Variants in LMBRD1 observed in about 807,000 individuals in gnomAD.
LMBRD1 encodes LMBR1 domain containing 1.
A neutral mutation model predicts 74.8 loss-of-function variants in LMBRD1; 64 were observed. The observed-to-expected ratio is 0.86, with a 90% CI of 0.70 to 1.05. The LOEUF (loss-of-function observed/expected upper bound fraction) is 1.05, where lower values mean the gene tolerates loss of function less well. Ranked by LOEUF, LMBRD1 falls within the 50% of genes least tolerant of loss-of-function variation. The pLI is 0.00. For missense variants in LMBRD1, 652 were observed against 645.9 expected, an observed-to-expected ratio of 1.01 and a Z score of -0.10; for synonymous variants, 204 against 216.3, an observed-to-expected ratio of 0.94 and a Z score of 0.50.
chr6:69,694,704 A>G (rs139560112), intron 14 of LMBRD1, among the ~76,000 whole-genome samples: 36 of 152,106 alleles, frequency 2.4e-4, no homozygotes, highest in African/African-American at 8.4e-4. Context: ...TAAATCCCCA[A>G]TTCTCCTTCA....
intron 5 of LMBRD1, among the ~76,000 whole-genome samples, chr6:69,743,059 G>T (rs1335933834): frequency 2.6e-5 from 4 of 152,072 alleles, no homozygotes; most frequent in Non-Finnish European, 4.4e-5. Flanking sequence ...GAAAGCAGAG[G>T]TGTGGAATCA....
chr6:69,728,380 T>C (rs1766781694), intron 7 of LMBRD1, among the ~76,000 whole-genome samples: 1 of 152,218 alleles, frequency 6.6e-6, no homozygotes, highest in Non-Finnish European at 1.5e-5. Context: ...ACATCATTCA[T>C]ATTATTTTCA....
intron 8 of LMBRD1, among the ~76,000 whole-genome samples, chr6:69,717,870 T>C (rs1766525966): frequency 6.6e-6 from 1 of 152,156 alleles, no homozygotes; most frequent in Admixed American, 6.5e-5. Context: ...TAAGTTTTTG[T>C]ATTTTTTTTG....
In LMBRD1 at chr6:69,735,913, A is replaced by G. The variant is rs565804493; in HGVS notation, c.636+2029T>C. ...CCTTGTCAACTGAATTCCAGCCACA[A>G]TGGCTTTGCCTCCTTGCTAGTATCT... is the stretch of plus-strand genomic sequence containing the variant. On this transcript the variant is annotated intron_variant, in intron 7 of 15. Coordinates refer to ENST00000649934, the MANE Select transcript of LMBRD1 (RefSeq NM_018368.4). Among the ~76,000 whole-genome samples, 18 of 152,364 alleles carry G rather than the reference A, an allele frequency of 1.2e-4. No homozygotes were observed. The East Asian group carries it at 3.1e-3, about 26-fold the overall frequency.
chr6:69,778,050 T>C (rs544816567), intron 3 of LMBRD1, among the ~76,000 whole-genome samples: 13 of 152,366 alleles, frequency 8.5e-5, no homozygotes, highest in East Asian at 5.8e-4. Context: ...AAAGGCCTAT[T>C]AGCCATAGCT....
chr6:69,796,190 T>C (rs1385729214), intron 1 of LMBRD1, among the ~76,000 whole-genome samples: 1 of 152,084 alleles, frequency 6.6e-6, no homozygotes, highest in African/African-American at 2.4e-5. Context: ...ACTCCGATAC[T>C]GGTAATAAAG....
At chr6:69,685,777 G>A (rs773794835) in intron 14 of LMBRD1, among the ~76,000 whole-genome samples, 16 of 152,092 alleles carry the variant, frequency 1.1e-4, no homozygotes, top group Non-Finnish European at 2.4e-4. Flanking sequence ...CTCCAGCCTG[G>A]GTGACAAGCG....
At chr6:69,732,660 G>C (rs1441777092) in intron 7 of LMBRD1, among the ~76,000 whole-genome samples, 5 of 152,060 alleles carry the variant, frequency 3.3e-5, no homozygotes, top group African/African-American at 1.2e-4. Context: ...AATGTACAAA[G>C]ATTAGCATAA....
chr6:69,719,411 T>A (rs993957505), intron 7 of LMBRD1, among the ~76,000 whole-genome samples: 9 of 152,058 alleles, frequency 5.9e-5, no homozygotes, highest in Non-Finnish European at 1.0e-4. Context: ...TAAAAAAATT[T>A]AAAAAAATGA....
In LMBRD1 at chr6:69,752,340, T is replaced by C. The variant is rs1765176113; in HGVS notation, c.324A>G (p.Ile108Met). 6.2e-7 allele frequency: 1 copy of C among 1,608,118 alleles called. No individual in the cohort carries two copies. The highest frequency in any genetic ancestry group is 8.5e-7 in the Non-Finnish European group (1 of 1,175,166). The change falls in exon 4 of 16, where the codon ATA becomes ATG. Residue 108 changes from isoleucine to methionine, a missense_variant. Ile to Met is a conservative substitution (Grantham distance 10, BLOSUM62 1). This residue lies in a region of LMBRD1 where 598 missense variants were observed against 581.8 expected (regional missense o/e 1.03). Coordinates refer to ENST00000649934, the MANE Select transcript of LMBRD1 (RefSeq NM_018368.4). ...GGATCCAGAAGAACACACAGAACAA[T>C]ATAACAGAATATAAAGCTGTGGAAA... ...LYGYYTLYSV[I>M]LFCVFFWIPF... is the part of the protein sequence containing the mutation.
intron 8 of LMBRD1, among the ~76,000 whole-genome samples, chr6:69,718,377 A>G (rs1211097201): frequency 6.6e-6 from 1 of 152,184 alleles, no homozygotes; most frequent in Admixed American, 6.6e-5. Flanking sequence ...TGTTAGAACA[A>G]TGATAGAAAT....
intron 3 of LMBRD1, among the ~76,000 whole-genome samples, chr6:69,773,799 T>C (rs58614233): frequency 0.11 from 17,094 of 152,210 alleles, 2,689 homozygotes; most frequent in African/African-American, 0.35. Context: ...AGACCAAATA[T>C]TGTCAACAAC....
At chr6:69,677,016 C>T (rs905148275) in intron 14 of LMBRD1, among the ~76,000 whole-genome samples, 3 of 152,080 alleles carry the variant, frequency 2.0e-5, no homozygotes, top group African/African-American at 7.2e-5. Context: ...GTCAACACTC[C>T]TATAACAGAA....
At chr6:69,768,761 T>C (rs1400925593) in intron 3 of LMBRD1, among the ~76,000 whole-genome samples, 1 of 152,110 alleles carries the variant, frequency 6.6e-6, no homozygotes, top group Non-Finnish European at 1.5e-5. Context: ...AAGAAAGGGA[T>C]TCTTGCAATG....
chr6:69,718,352 C>T (rs1442211444), intron 8 of LMBRD1, among the ~76,000 whole-genome samples: 1 of 151,982 alleles, frequency 6.6e-6, no homozygotes, highest in Non-Finnish European at 1.5e-5. Context: ...ATAAGAAAAA[C>T]TTCTGTTTTT....
chr6:69,699,271 A>G (rs929527811), intron 12 of LMBRD1, 79 bp from the exon 13 acceptor site: 1 of 1,247,800 alleles, frequency 8.0e-7, no homozygotes. Context: ...TGTTATGGGA[A>G]ATGATTTACA....
chr6:69,677,425 G>C (rs1048364850), intron 14 of LMBRD1, among the ~76,000 whole-genome samples: 1 of 152,120 alleles, frequency 6.6e-6, no homozygotes, highest in Non-Finnish European at 1.5e-5. Flanking sequence ...TTTATGGCTG[G>C]CTTTGGAAAA....
At chr6:69,698,362 A>G (rs1054091224) in intron 13 of LMBRD1, among the ~76,000 whole-genome samples, 1 of 152,048 alleles carries the variant, frequency 6.6e-6, no homozygotes, top group Non-Finnish European at 1.5e-5. Flanking sequence ...TTTAATCATG[A>G]AAGACTCCAC....
At chr6:69,683,748 T>C (rs930886) in intron 14 of LMBRD1, among the ~76,000 whole-genome samples, 86,098 of 151,674 alleles carry the variant, frequency 0.57, 24,956 homozygotes, top group East Asian at 0.74. Flanking sequence ...ACCTCATTAC[T>C]GTTCTAGTAT....
Sources: allele counts gnomAD v4.1 joint callset (sites outside exome capture counted in the v4.1 genomes callset), GRCh38; gene constraint gnomAD v4.1.1; regional missense constraint gnomAD v4.1.1; transcripts MANE v1.5; gene names NCBI Gene and HGNC (gene_info 2026-07-23, HGNC 2026-07-21).